MC2R: variants seen among roughly 807,000 people sequenced by gnomAD.
MC2R encodes the protein melanocortin 2 receptor.
Under a neutral mutation model 9.8 loss-of-function variants are expected in MC2R, and 9 were observed. The ratio of observed to expected loss-of-function variants is 0.92; its 90% CI spans 0.55 to 1.60. The LOEUF is 1.60. MC2R is among the 40% of genes most tolerant of loss of function. The pLI, the probability that MC2R is intolerant of heterozygous loss-of-function variation, is 0.00. For synonymous variants in MC2R, 185 were observed against 154.7 expected (o/e 1.20, Z -1.45); for missense variants, 370 against 389.0 (o/e 0.95, Z 0.41).
intron 1 of MC2R, among the ~76,000 whole-genome samples, chr18:13,897,247 G>T (rs971342179): frequency 3.9e-5 from 6 of 152,170 alleles, no homozygotes; most frequent in African/African-American, 1.4e-4. Flanking sequence ...GAACTCAGTG[G>T]TGTCTTATTA....
chr18:13,896,343 G>A (rs2045346194), intron 1 of MC2R, among the ~76,000 whole-genome samples: 1 of 152,160 alleles, frequency 6.6e-6, no homozygotes, highest in Non-Finnish European at 1.5e-5. Context: ...CTGGCACAAA[G>A]CTTTCTCAAC....
intron 1 of MC2R, among the ~76,000 whole-genome samples, chr18:13,909,417 T>C (rs372533948): frequency 1.3e-5 from 2 of 152,320 alleles, no homozygotes; most frequent in East Asian, 1.9e-4. Flanking sequence ...ACTGTTTCCA[T>C]AATGGATTCT....
Position 13,884,766 on chromosome 18 carries a change from G to A in MC2R, c.753C>T (p.Cys251=), listed in dbSNP as rs766565660. The change falls in exon 2 of 2, where the codon TGC becomes TGT. Residue 251 remains cysteine (C), a synonymous_variant. Transcript: ENST00000327606. ...LMTFCPSNPY[C]ACYMSLFQVN... ...CCTGGAAGAGAGACATGTAGCAGGC[G>A]CAGTAGGGGTTACTTGGGCAGAATG... 29 of 1,614,024 alleles carry A rather than the reference G, an allele frequency of 1.8e-5. No individual in the cohort carries two copies. Among genetic ancestry groups the A allele is most frequent in the East Asian group, 4.5e-5 (2 of 44,878 alleles).
intron 1 of MC2R, among the ~76,000 whole-genome samples, chr18:13,902,833 G>C (rs147945893): frequency 1.3e-5 from 2 of 152,106 alleles, no homozygotes; most frequent in East Asian, 3.8e-4. Flanking sequence ...AACAAAAATG[G>C]ACAAATGGGA....
At chr18:13,899,362 G>C (rs1002584270) in intron 1 of MC2R, among the ~76,000 whole-genome samples, 4 of 152,162 alleles carry the variant, frequency 2.6e-5, no homozygotes, top group African/African-American at 9.7e-5. Context: ...ATGCCTATAG[G>C]ATGTAGAAAA....
rs570582051 is a variant in MC2R at position 13,896,683 on chromosome 18, C to A, written c.-128-11037G>T. ...TATGAAATGTGTTATCACTAAATAT[C>A]TGGAGCAAGGAACACACTCTCTGCC... On this transcript the variant is annotated intron_variant, in intron 1 of 1. Coordinates refer to ENST00000327606, the MANE Select transcript of MC2R (RefSeq NM_000529.2). Among the ~76,000 whole-genome samples the A allele has an allele frequency of 3.9e-5, 6 of 152,238 alleles. No individual in the cohort carries two copies. In the South Asian group the frequency reaches 1.0e-3, roughly 26 times the overall value.
At chr18:13,910,627 C>T (rs1257099241) in intron 1 of MC2R, among the ~76,000 whole-genome samples, 1 of 152,172 alleles carries the variant, frequency 6.6e-6, no homozygotes. Context: ...GTACAGCTTC[C>T]TGCAGCCTGC....
chr18:13,899,687 GGA>G (rs1468774023), intron 1 of MC2R, among the ~76,000 whole-genome samples: 1 of 152,178 alleles, frequency 6.6e-6, no homozygotes, highest in Non-Finnish European at 1.5e-5. Context: ...TTACAGGCCA[GGA>G]GAGAGTGGCA....
chr18:13,887,192 C>A (rs1192560740), intron 1 of MC2R, among the ~76,000 whole-genome samples: 1 of 142,456 alleles, frequency 7.0e-6, no homozygotes, highest in Non-Finnish European at 1.6e-5. Context: ...AGCCTGTGTG[C>A]TGTGTCCCAC....
intron 1 of MC2R, among the ~76,000 whole-genome samples, chr18:13,907,241 C>T (rs528875946): frequency 2.5e-4 from 38 of 152,232 alleles, no homozygotes; most frequent in African/African-American, 7.5e-4. Flanking sequence ...GACTCACCTT[C>T]GACAAAGGTG....
rs1442131742 is a variant in MC2R, at chr18:13,885,033, G to A, written c.486C>T (p.Gly162=). The A allele has an allele frequency of 1.2e-6, 2 of 1,614,192 alleles. No homozygotes were observed. The highest frequency in any genetic ancestry group is 1.1e-5 in the South Asian group (1 of 91,082). ...GATGGGAGAAGATCACCATGGTGAT[G>A]CCAGTCCCCGTGCAGAACGTCCAGA... ...TVIWTFCTGT[G]ITMVIFSHHV... Residue 162 remains glycine, a synonymous_variant, in exon 2 of 2, where the codon GGC becomes GGT. Transcript: ENST00000327606.
chr18:13,889,504 CT>C (rs2045300977), intron 1 of MC2R, among the ~76,000 whole-genome samples: 1 of 152,108 alleles, frequency 6.6e-6, no homozygotes, highest in Admixed American at 6.5e-5. Context: ...GCAAAACCGA[CT>C]TTTGTTTTTT....
chr18:13,907,302 G>A (rs1453226976), intron 1 of MC2R, among the ~76,000 whole-genome samples: 1 of 152,012 alleles, frequency 6.6e-6, no homozygotes, highest in Non-Finnish European at 1.5e-5. Context: ...ATGGTGCTGG[G>A]AAAACTGGAT....
intron 1 of MC2R, among the ~76,000 whole-genome samples, chr18:13,910,907 C>T (rs560906835): frequency 2.0e-5 from 3 of 152,354 alleles, no homozygotes; most frequent in East Asian, 3.9e-4. Flanking sequence ...AAAACCAACA[C>T]CAGTCACCAC....
intron 1 of MC2R, among the ~76,000 whole-genome samples, chr18:13,901,975 C>T (rs950142491): frequency 6.6e-6 from 1 of 151,888 alleles, no homozygotes; most frequent in African/African-American, 2.4e-5. Context: ...AATCCATCCC[C>T]CCCACCGACT....
chr18:13,885,775 A>G (rs1016314776), intron 1 of MC2R, 129 bp from the exon 2 acceptor site: 1 of 481,838 alleles, frequency 2.1e-6, no homozygotes, highest in East Asian at 3.8e-5. Flanking sequence ...AGGAGCCTGC[A>G]CATGTATGTT....
intron 1 of MC2R, among the ~76,000 whole-genome samples, chr18:13,904,474 T>C (rs1404673362): frequency 1.3e-5 from 2 of 151,510 alleles, no homozygotes; most frequent in East Asian, 3.9e-4. Flanking sequence ...AAGCCTTTCC[T>C]CTAAGATCTA....
chr18:13,906,566 G>GA (rs999791220), intron 1 of MC2R, among the ~76,000 whole-genome samples: 43 of 150,480 alleles, frequency 2.9e-4, no homozygotes, highest in Admixed American at 1.8e-3. Flanking sequence ...AAGAAATAAA[G>GA]AAAAAAAAAG....
At chr18:13,899,155 T>C (rs1323054771) in intron 1 of MC2R, among the ~76,000 whole-genome samples, 3 of 152,058 alleles carry the variant, frequency 2.0e-5, no homozygotes, top group African/African-American at 7.2e-5. Flanking sequence ...ATAAATTTAA[T>C]AAAGAGATTG....
Sources: allele counts gnomAD v4.1 joint callset (sites outside exome capture counted in the v4.1 genomes callset), GRCh38; gene constraint gnomAD v4.1.1; transcripts MANE v1.5; gene names NCBI Gene and HGNC (gene_info 2026-07-23, HGNC 2026-07-21).